The following LETM2 variants were observed in gnomAD, a reference collection of about 807,000 sequenced individuals.
LETM2 encodes leucine zipper and EF-hand containing transmembrane protein 2.
Under a neutral mutation model 59.6 loss-of-function variants are expected in LETM2, and 58 were observed. That is an observed-to-expected ratio of 0.97 (90% confidence interval 0.79 to 1.21). The LOEUF (loss-of-function observed/expected upper bound fraction) is 1.21, where lower values mean the gene tolerates loss of function less well. Ranked by LOEUF, LETM2 falls within the 50% of genes most tolerant of loss-of-function variation. LETM2 has a pLI of 0.00. For missense variants in LETM2, 572 were observed against 575.7 expected, an observed-to-expected ratio of 0.99 and a Z score of 0.07; for synonymous variants, 199 against 214.1, an observed-to-expected ratio of 0.93 and a Z score of 0.62.
chr8:38,388,962 C>T lies in LETM2; in HGVS notation c.47+932C>T, dbSNP rs1470538264. ...TGTATTTTTAGTACAGATGGGGTTTCGCCATGTTGGCCAGGCTGGTCTTGA... is the reference window on the plus strand; with the variant it reads ...TGTATTTTTAGTACAGATGGGGTTTTGCCATGTTGGCCAGGCTGGTCTTGA... On this transcript the variant is annotated intron_variant, in intron 2 of 10. Transcript: ENST00000379957. 3.9e-5 allele frequency among the ~76,000 whole-genome samples: 6 copies of T among 151,914 alleles called. No homozygotes were observed. In the East Asian group the frequency reaches 1.2e-3, roughly 30 times the overall value.
intron 8 of LETM2, among the ~76,000 whole-genome samples, chr8:38,405,302 C>A (rs1003594527): frequency 6.6e-6 from 1 of 152,156 alleles, no homozygotes; most frequent in East Asian, 1.9e-4. Flanking sequence ...TAAGATTGGC[C>A]CAGTCACTAC....
At position 38,400,343 on chromosome 8, in the gene LETM2, A is replaced by T; in HGVS notation, c.717A>T (p.Glu239Asp). Residue 239 changes from glutamate (E) to aspartate (D), a missense_variant, in exon 5 of 11, where the codon GAA (glutamate) becomes GAT (aspartate). Glu to Asp is a conservative substitution (Grantham distance 45). Coordinates refer to ENST00000379957, the MANE Select transcript of LETM2 (RefSeq NM_001286819.2). ...LAKFLQETMT[E>D]MARRNRAKMG... ...AATTTCTTCAAGAAACCATGACAGA[A>T]ATGGCAAGGAGGAACAGAGCCAAGA... is the stretch of plus-strand genomic sequence containing the variant. 1 of 1,613,550 alleles carries T rather than the reference A, an allele frequency of 6.2e-7. No individual in the cohort carries two copies. The highest frequency in any genetic ancestry group is 1.1e-5 in the South Asian group (1 of 90,888).
intron 4 of LETM2, chr8:38,397,190 T>A (rs949490142): frequency 4.4e-6 from 2 of 455,196 alleles, no homozygotes; most frequent in African/African-American, 4.0e-5. Context: ...TTTTTTTTTT[T>A]TTTTGAGACG....
At chr8:38,396,792 A>G (rs1812725535) in intron 4 of LETM2, among the ~76,000 whole-genome samples, 1 of 152,080 alleles carries the variant, frequency 6.6e-6, no homozygotes, top group South Asian at 2.1e-4. Context: ...ATGCACCTGA[A>G]TTCCCAGCTA....
In LETM2 at chr8:38,388,033, A is replaced by T. The variant is rs528147677; in HGVS notation, c.47+3A>T. 6.6e-6 allele frequency: 10 copies of T among 1,521,374 alleles called. No individual in the cohort carries two copies. In the East Asian group the frequency reaches 2.0e-4, roughly 30 times the overall value. 94.2% of individuals were successfully genotyped at this position (1,521,374 alleles called of 1,614,324 possible). The stretch of plus-strand genomic sequence containing the variant: ...GTTCTGGCTATTGCTCGAACAAGGT[A>T]AGCATTGGAGTTACCCCCCAATATG... On this transcript the variant is annotated splice_donor_region_variant and intron_variant, in intron 2 of 10. Transcript: ENST00000379957.
chr8:38,396,787 C>A (rs980822950), intron 4 of LETM2, among the ~76,000 whole-genome samples: 6 of 151,944 alleles, frequency 3.9e-5, no homozygotes, highest in Non-Finnish European at 8.8e-5. Flanking sequence ...GTAGCATGCA[C>A]CTGAATTCCC....
upstream of LETM2, among the ~76,000 whole-genome samples, chr8:38,384,563 A>AT (rs996814816): frequency 1.3e-5 from 2 of 152,174 alleles, no homozygotes; most frequent in Non-Finnish European, 2.9e-5. Flanking sequence ...AGGAAAAAAT[A>AT]TTTTTTTAAA....
intron 4 of LETM2, among the ~76,000 whole-genome samples, chr8:38,395,866 AGTTCTTT>A (rs1812644176): frequency 6.6e-6 from 1 of 151,914 alleles, no homozygotes; most frequent in Non-Finnish European, 1.5e-5. Context: ...TATTATTCTG[AGTTCTTT>A]GTATATTTTG....
In LETM2 at chr8:38,407,395, T is replaced by A; in HGVS notation, c.1345T>A (p.Ser449Thr). The change falls in exon 10 of 11, where the codon TCA (serine) becomes ACA (threonine). Residue 449 changes from serine (S) to threonine (T), a missense_variant. Physicochemically the swap from Ser to Thr is moderately conservative, Grantham distance 58. Coordinates refer to ENST00000379957, the MANE Select transcript of LETM2 (RefSeq NM_001286819.2). Reference protein sequence around the residue: ...EDFIQPPPVTSSPITPSTPIS... With the variant: ...EDFIQPPPVTTSPITPSTPIS... ...CTTTATACAGCCGCCACCAGTTACA[T>A]CATCACCCATAACACCATCAACACC... 3 of 1,613,530 alleles carry A rather than the reference T, an allele frequency of 1.9e-6. No homozygotes were observed. The highest frequency in any genetic ancestry group is 2.5e-6 in the Non-Finnish European group (3 of 1,179,550).
At chr8:38,383,862 G>A (rs1189549028), upstream of LETM2, among the ~76,000 whole-genome samples, 10 of 151,508 alleles carry the variant, frequency 6.6e-5, no homozygotes, top group Non-Finnish European at 1.3e-4. Context: ...CCCGGGAAGC[G>A]GAGCTTGCAG....
At position 38,392,926 on chromosome 8, in the gene LETM2, C is replaced by G; in HGVS notation, c.432C>G (p.Ala144=). The change falls in exon 3 of 11, where the codon GCC becomes GCG. Residue 144 remains alanine, a synonymous_variant. Transcript: ENST00000379957. ...YNGFYLLWID[A]KVAARMVWRL... ...GATTCTACTTACTTTGGATTGACGC[C>G]AAAGTTGCTGCCAGAATGGTTTGGA... The G allele has an allele frequency of 6.2e-7, 1 of 1,612,500 alleles. No homozygotes were observed. Among genetic ancestry groups the G allele is most frequent in the Non-Finnish European group, 8.5e-7 (1 of 1,180,022 alleles).
In LETM2 at chr8:38,392,718, A is replaced by G; in HGVS notation, c.224A>G (p.Gln75Arg). The G allele has an allele frequency of 6.2e-7, 1 of 1,614,232 alleles. No homozygotes were observed. The highest frequency in any genetic ancestry group is 8.5e-7 in the Non-Finnish European group (1 of 1,180,054). The part of the protein sequence containing the change: ...TVLHPGTRLI[Q>R]KLHTSTCWLQ... ...CTTCACCCAGGAACTAGACTAATAC[A>G]AAAGCTACACACATCCACTTGCTGG... Residue 75 changes from glutamine (Q) to arginine (R), a missense_variant, in exon 3 of 11, where the codon CAA (glutamine) becomes CGA (arginine). By Grantham distance (43) the Gln-to-Arg change is conservative (BLOSUM62 1). Coordinates refer to ENST00000379957, the MANE Select transcript of LETM2 (RefSeq NM_001286819.2).
At chr8:38,387,747 C>A (rs758394594) in intron 1 of LETM2, among the ~76,000 whole-genome samples, 24 of 151,930 alleles carry the variant, frequency 1.6e-4, no homozygotes, top group Middle Eastern at 3.4e-3. Flanking sequence ...GAGATCATTA[C>A]CGTTTGTTGG....
At chr8:38,383,732 C>G (rs185802613), upstream of LETM2, among the ~76,000 whole-genome samples, 6 of 151,784 alleles carry the variant, frequency 4.0e-5, no homozygotes, top group Admixed American at 3.9e-4. Context: ...AAATCGAGAC[C>G]ATCCTGGCTA....
chr8:38,399,030 G>A (rs1215186724), intron 4 of LETM2, among the ~76,000 whole-genome samples: 1 of 151,288 alleles, frequency 6.6e-6, no homozygotes, highest in Non-Finnish European at 1.5e-5. Flanking sequence ...CACTAAGTGG[G>A]TTCTGATCAT....
At position 38,401,032 on chromosome 8, in the gene LETM2, G is replaced by A. The variant is rs267601913; in HGVS notation, c.963G>A (p.Lys321=). ...LLRFQLLMKL[K]SIKADDEIIA... ...GCTTTCAGCTCCTGATGAAACTGAA[G>A]TCTATAAAAGCAGATGATGAAGTAA... The change falls in exon 6 of 11, where the codon AAG becomes AAA. Residue 321 remains lysine (K), a synonymous_variant. Transcript: ENST00000379957. 2 of 1,613,822 alleles carry A rather than the reference G, an allele frequency of 1.2e-6. No individual in the cohort carries two copies. The highest frequency in any genetic ancestry group is 1.7e-6 in the Non-Finnish European group (2 of 1,179,902).
chr8:38,384,382 A>G (rs1811690556), upstream of LETM2, among the ~76,000 whole-genome samples: 1 of 152,238 alleles, frequency 6.6e-6, no homozygotes, highest in African/African-American at 2.4e-5. Flanking sequence ...TACAGTTAGT[A>G]TACTTGATCT....
intron 7 of LETM2, among the ~76,000 whole-genome samples, chr8:38,403,880 A>G (rs2150448636): frequency 6.6e-6 from 1 of 152,276 alleles, no homozygotes; most frequent in Non-Finnish European, 1.5e-5. Context: ...TCTTAAGAAG[A>G]CAGAGTCTCA....
chr8:38,389,580 CCATT>C (rs1313480478), intron 2 of LETM2, among the ~76,000 whole-genome samples: 2 of 152,028 alleles, frequency 1.3e-5, no homozygotes, highest in African/African-American at 4.8e-5. Flanking sequence ...CCCTTTTTGG[CCATT>C]CAAAGAGCGT....
Sources: gnomAD v4.1 joint callset for allele counts (sites outside exome capture counted in the v4.1 genomes callset) on GRCh38, gnomAD v4.1.1 for gene constraint, MANE v1.5 for transcripts, NCBI Gene and HGNC (gene_info 2026-07-23, HGNC 2026-07-21) for gene names.